Variants in BABAM2 observed in about 807,000 individuals in gnomAD.
BABAM2 encodes BRISC and BRCA1-A complex member 2.
In BABAM2, 31 loss-of-function variants were observed where a neutral mutation model predicts 54.7. That is an observed-to-expected ratio of 0.57 (90% CI 0.43 to 0.77). The LOEUF (loss-of-function observed/expected upper bound fraction) is 0.77. Ranked by LOEUF, BABAM2 falls within the 30% of genes least tolerant of loss-of-function variation. The probability of loss-of-function intolerance (pLI) is 0.00; values close to 1 mark genes in which losing one functional copy is unlikely to be tolerated. For synonymous variants in BABAM2, 167 were observed against 162.9 expected (o/e 1.03, Z -0.19); for missense variants, 364 against 455.8 (o/e 0.80, Z 1.83).
intron 7 of BABAM2, among the ~76,000 whole-genome samples, chr2:28,221,613 A>T (rs868607490): frequency 6.6e-6 from 1 of 152,166 alleles, no homozygotes; most frequent in East Asian, 1.9e-4. Flanking sequence ...GAAGGCTGCT[A>T]TCTTCCTGGT....
At chr2:28,063,627 G>A (rs539699823) in intron 6 of BABAM2, among the ~76,000 whole-genome samples, 1 of 152,318 alleles carries the variant, frequency 6.6e-6, no homozygotes, top group African/African-American at 2.4e-5. Context: ...GGAAAATGAT[G>A]AGTGATAAAG....
intron 7 of BABAM2, among the ~76,000 whole-genome samples, chr2:28,199,954 AT>A (rs568187500): frequency 2.0e-5 from 3 of 152,330 alleles, no homozygotes; most frequent in South Asian, 4.1e-4. Context: ...GGAAACCCCT[AT>A]TCATTTTGAA....
chr2:28,081,203 C>G (rs902228119), intron 6 of BABAM2, among the ~76,000 whole-genome samples: 3 of 152,158 alleles, frequency 2.0e-5, no homozygotes, highest in Non-Finnish European at 4.4e-5. Flanking sequence ...CGCCTGCTTC[C>G]ATCCAGAGTC....
intron 10 of BABAM2, among the ~76,000 whole-genome samples, chr2:28,282,493 T>C (rs1686443009): frequency 6.6e-6 from 1 of 151,982 alleles, no homozygotes; most frequent in Admixed American, 6.6e-5. Context: ...GTAAATCACA[T>C]TTATAGCACT....
chr2:28,076,476 A>AGTTG (rs200865126), intron 6 of BABAM2, among the ~76,000 whole-genome samples: 1 of 148,022 alleles, frequency 6.8e-6, no homozygotes, highest in Non-Finnish European at 1.5e-5. Context: ...TTATTTATTT[A>AGTTG]TTTATTTAGT....
rs559276982 is a variant in BABAM2, at chr2:27,979,892, G to A, written c.206-8101G>A. Among the ~76,000 whole-genome samples the A allele has an allele frequency of 2.6e-5, 4 of 152,278 alleles. No individual in the cohort carries two copies. In the East Asian group the frequency reaches 7.7e-4, roughly 29 times the overall value. On this transcript the variant is annotated intron_variant, in intron 3 of 11. Transcript: ENST00000379624. ...GGGAGTAGGAGATATGGTCCACTCT[G>A]CATATCTGGTAAGTGAGCCTTCCTG...
intron 7 of BABAM2, among the ~76,000 whole-genome samples, chr2:28,168,287 T>C (rs1443701992): frequency 6.6e-6 from 1 of 152,240 alleles, no homozygotes; most frequent in East Asian, 1.9e-4. Context: ...ATAAAAGTTA[T>C]AGCCGTTGTC....
chr2:28,192,371 A>G (rs1411490597), intron 7 of BABAM2, among the ~76,000 whole-genome samples: 5 of 152,050 alleles, frequency 3.3e-5, no homozygotes, highest in African/African-American at 1.2e-4. Flanking sequence ...GAAGCTGCAC[A>G]CCAACATGGC....
At chr2:28,020,530 T>C (rs1045589515) in intron 4 of BABAM2, among the ~76,000 whole-genome samples, 1 of 152,080 alleles carries the variant, frequency 6.6e-6, no homozygotes. Flanking sequence ...GTTAAGATGG[T>C]TTTTGCTGTG....
At chr2:27,894,166 G>T (rs539177810) in intron 1 of BABAM2, among the ~76,000 whole-genome samples, 13 of 152,170 alleles carry the variant, frequency 8.5e-5, no homozygotes, top group Non-Finnish European at 1.8e-4. Context: ...GTGTGTTTTT[G>T]TGTTGGGATA....
chr2:28,212,307 T>C (rs1440494035), intron 7 of BABAM2, among the ~76,000 whole-genome samples: 4 of 152,216 alleles, frequency 2.6e-5, no homozygotes, highest in African/African-American at 7.2e-5. Flanking sequence ...TCTAGGTTCA[T>C]TGGGCTATGC....
At chr2:28,045,654 C>A in intron 5 of BABAM2, 71 bp from the exon 6 acceptor site, 6 of 1,341,880 alleles carry the variant, frequency 4.5e-6, no homozygotes, top group Non-Finnish European at 6.2e-6. Context: ...GAACTTGTGG[C>A]CTTGGCTATA....
chr2:27,921,484 C>A (rs1173145373), intron 2 of BABAM2, among the ~76,000 whole-genome samples: 1 of 152,070 alleles, frequency 6.6e-6, no homozygotes, highest in African/African-American at 2.4e-5. Context: ...ATGGTTTTCT[C>A]TTAAATTATT....
At chr2:28,040,294 CTTTTTT>C (rs397735161) in intron 5 of BABAM2, among the ~76,000 whole-genome samples, 19 of 59,470 alleles carry the variant, frequency 3.2e-4, no homozygotes, top group East Asian at 1.7e-3. Context: ...AAACTGAATT[CTTTTTT>C]TTTTTTTTTT....
intron 6 of BABAM2, among the ~76,000 whole-genome samples, chr2:28,048,222 C>T (rs879382636): frequency 2.0e-5 from 3 of 152,210 alleles, no homozygotes; most frequent in Non-Finnish European, 2.9e-5. Context: ...AATGACATTT[C>T]ATTACACTGT....
At chr2:28,103,978 AC>A (rs1355392238) in intron 6 of BABAM2, among the ~76,000 whole-genome samples, 28 of 151,842 alleles carry the variant, frequency 1.8e-4, no homozygotes, top group Admixed American at 7.9e-4. Context: ...AACTCAATAA[AC>A]TCATTTTTTT....
rs567943838 is a variant in BABAM2 at position 28,052,242 on chromosome 2, G to C, written c.570+6443G>C. On this transcript the variant is annotated intron_variant, in intron 6 of 11. Transcript: ENST00000379624. ...ACTATTAAGAAGAAACAACTGAAAT[G>C]ATAGCATACTAGCCAAAATAATCAT... Among the ~76,000 whole-genome samples, 38 of 151,040 alleles carry C rather than the reference G, an allele frequency of 2.5e-4. No homozygotes were observed. In the South Asian group the frequency reaches 7.8e-3, roughly 31 times the overall value.
intron 6 of BABAM2, among the ~76,000 whole-genome samples, chr2:28,092,792 G>A (rs1666270194): frequency 6.8e-6 from 1 of 146,452 alleles, no homozygotes. Context: ...CTCTCTCTCT[G>A]CCCTGATCAT....
intron 3 of BABAM2, among the ~76,000 whole-genome samples, chr2:27,949,776 T>G (rs185070071): frequency 1.3e-5 from 2 of 152,282 alleles, no homozygotes; most frequent in Admixed American, 1.3e-4. Flanking sequence ...TCTTTTGTAG[T>G]GTGGTGTTGA....
Sources: gnomAD v4.1 joint callset for allele counts (sites outside exome capture counted in the v4.1 genomes callset) on GRCh38, gnomAD v4.1.1 for gene constraint, MANE v1.5 for transcripts, NCBI Gene and HGNC (gene_info 2026-07-23, HGNC 2026-07-21) for gene names.